BRAF: variants seen among roughly 807,000 people sequenced by gnomAD.
BRAF encodes the protein B-Raf proto-oncogene, serine/threonine kinase.
BRAF carries 16 observed loss-of-function variants against 104.6 expected under a neutral mutation model. The observed-to-expected ratio is 0.15, with a 90% CI of 0.10 to 0.23. The LOEUF (loss-of-function observed/expected upper bound fraction) is 0.23, where lower values mean the gene tolerates loss of function less well. Among genes scored for constraint, BRAF ranks in the 10% least tolerant of loss-of-function variants. BRAF has a pLI of 1.00. For missense variants in BRAF, 541 were observed against 937.3 expected (o/e 0.58, Z 5.52); for synonymous variants, 310 against 341.6 (o/e 0.91, Z 1.02).
chr7:140,834,480 C>T (rs1807102925), intron 3 of BRAF, 129 bp downstream of exon 3: 2 of 1,265,524 alleles, frequency 1.6e-6, no homozygotes, highest in Admixed American at 1.9e-5. Flanking sequence ...ATTTTTCATT[C>T]CTGTATGACA....
intron 1 of BRAF, among the ~76,000 whole-genome samples, chr7:140,872,216 A>AAAATAAATAAAT (rs143275817): frequency 0.16 from 21,439 of 130,032 alleles, 2,682 homozygotes; most frequent in African/African-American, 0.38. Context: ...ACTCCATCTC[A>AAAATAAATAAAT]AAATAAATAA....
rs570378005 is a variant in BRAF, at chr7:140,831,321, T to G, written c.504+3288A>C. ...TAATGGGTACAGACGTGAGAAGAAG[T>G]CTGGTATATTCCAGATGGAAGCAGA... On this transcript the variant is annotated intron_variant, in intron 3 of 19. Transcript: ENST00000644969. Among the ~76,000 whole-genome samples, 495 of 152,250 alleles carry G rather than the reference T, an allele frequency of 3.3e-3. 3 individuals are homozygous for G. Among genetic ancestry groups the G allele is most frequent in the African/African-American group, 0.011 (473 of 41,536 alleles).
intron 16 of BRAF, among the ~76,000 whole-genome samples, chr7:140,752,624 GAAGA>G (rs74984962): frequency 0.056 from 8,562 of 152,160 alleles, 288 homozygotes; most frequent in South Asian, 0.11. Flanking sequence ...CAAAAAACAA[GAAGA>G]AAGAAAGAGC....
At chr7:140,740,459 GGA>G (rs1796826876) in intron 17 of BRAF, 1 of 152,358 alleles carries the variant, frequency 6.6e-6, no homozygotes, top group Admixed American at 6.5e-5. Context: ...CTCCGCCAGA[GGA>G]GAGAAGGGGA....
chr7:140,811,359 G>A (rs936862056), intron 3 of BRAF, among the ~76,000 whole-genome samples: 4 of 152,146 alleles, frequency 2.6e-5, no homozygotes, highest in African/African-American at 9.7e-5. Context: ...AAGGCAGAGT[G>A]GCCACTACCC....
chr7:140,923,706 T>C (rs1463707165), intron 1 of BRAF, among the ~76,000 whole-genome samples: 1 of 152,122 alleles, frequency 6.6e-6, no homozygotes, highest in Non-Finnish European at 1.5e-5. Context: ...CTCCAAAGTG[T>C]CCAGGAGGAT....
At chr7:140,765,269 C>T (rs1799192460) in intron 14 of BRAF, among the ~76,000 whole-genome samples, 5 of 152,076 alleles carry the variant, frequency 3.3e-5, no homozygotes, top group African/African-American at 1.2e-4. Context: ...AAACTGGATC[C>T]CTTCCTTACA....
intron 15 of BRAF, 73 bp from the exon 15 acceptor site, chr7:140,753,466 G>GT: frequency 2.1e-6 from 2 of 956,616 alleles, no homozygotes; most frequent in Non-Finnish European, 3.4e-6. Flanking sequence ...AAGAGTTTAG[G>GT]TAAGAGATCT....
chr7:140,734,222 TA>T, intron 19 of BRAF: 1 of 1,137,754 alleles, frequency 8.8e-7, no homozygotes, highest in Non-Finnish European at 1.1e-6. Context: ...AACACAGGCA[TA>T]GGTAGGGTCT....
At chr7:140,897,883 G>A (rs1815143058) in intron 1 of BRAF, among the ~76,000 whole-genome samples, 1 of 151,996 alleles carries the variant, frequency 6.6e-6, no homozygotes. Flanking sequence ...CACATAAACA[G>A]TAACAACAAC....
intron 1 of BRAF, among the ~76,000 whole-genome samples, chr7:140,911,341 C>T (rs926911667): frequency 6.6e-6 from 1 of 152,150 alleles, no homozygotes; most frequent in Admixed American, 6.5e-5. Flanking sequence ...CACATAGATA[C>T]GGCTACTGTC....
chr7:140,872,683 C>T (rs1811750182), intron 1 of BRAF, among the ~76,000 whole-genome samples: 1 of 151,882 alleles, frequency 6.6e-6, no homozygotes, highest in Admixed American at 6.6e-5. Context: ...AGCGAGACCT[C>T]ATCTCTACCA....
rs190947755 is a variant in BRAF, at chr7:140,799,904, A to T, written c.980+458T>A. ...GAACTCAAGGTGTAGACTCAAAATG[A>T]TCTGTTGCATGATTTTTTCAGGACT... On this transcript the variant is annotated intron_variant, in intron 7 of 19. Coordinates refer to ENST00000644969, the MANE Select transcript of BRAF (RefSeq NM_001374258.1). The T allele has an allele frequency of 1.3e-5, 4 of 304,988 alleles. No individual in the cohort carries two copies. In the East Asian group the frequency reaches 2.0e-4, roughly 15 times the overall value. The allele number at this position is 304,988 out of a possible 1,614,324, so 18.9% of individuals were successfully genotyped here. A position where few individuals can be genotyped will look rare whatever the true frequency, so the allele number is the denominator to read the frequency against.
intron 9 of BRAF, 122 bp downstream of exon 9, chr7:140,787,426 T>C: frequency 1.1e-6 from 1 of 935,096 alleles, no homozygotes; most frequent in Non-Finnish European, 1.7e-6. Flanking sequence ...AAAAAAATTT[T>C]GGGTTTCTCT....
rs771886694 is a variant in BRAF, at chr7:140,734,581, C to G, written c.2401+36G>C. 2.5e-6 allele frequency: 4 copies of G among 1,613,380 alleles called. No homozygotes were observed. The Admixed American group carries it at 6.7e-5, about 27-fold the overall frequency. On this transcript the variant is annotated intron_variant, in intron 19 of 19. Transcript: ENST00000644969. ...CCTTTTGTTGCTACTCTCCTGAACT[C>G]TCTCACTCATTTGTTTCAGTGGACA...
intron 2 of BRAF, chr7:140,835,659 A>G (rs1807248199): frequency 6.6e-6 from 1 of 152,200 alleles, no homozygotes; most frequent in Admixed American, 6.5e-5. Flanking sequence ...CCATCAGAGT[A>G]TCTTCCTAGA....
At chr7:140,756,601 TAGGGA>T in intron 14 of BRAF, among the ~76,000 whole-genome samples, 1 of 150,790 alleles carries the variant, frequency 6.6e-6, no homozygotes, top group Non-Finnish European at 1.5e-5. Flanking sequence ...TGTTTGGGAG[TAGGGA>T]AGGGAACAAG....
At chr7:140,753,005 T>A (rs994380432) in intron 16 of BRAF, among the ~76,000 whole-genome samples, 1 of 151,826 alleles carries the variant, frequency 6.6e-6, no homozygotes, top group African/African-American at 2.4e-5. Flanking sequence ...GTTTTAAGGG[T>A]TCATATTTAT....
chr7:140,825,558 C>A (rs977752026), intron 3 of BRAF, among the ~76,000 whole-genome samples: 11 of 152,076 alleles, frequency 7.2e-5, no homozygotes, highest in Middle Eastern at 3.2e-3. Context: ...ACTTTTCATT[C>A]CTTCTGTGTT....
Sources: allele counts gnomAD v4.1 joint callset (sites outside exome capture counted in the v4.1 genomes callset), GRCh38; gene constraint gnomAD v4.1.1; transcripts MANE v1.5; gene names NCBI Gene and HGNC (gene_info 2026-07-23, HGNC 2026-07-21).